The following CDH20 variants were observed in gnomAD, a reference collection of about 807,000 sequenced individuals.
The protein encoded by CDH20 is cadherin 20, also known as cadherin-20.
In CDH20, 29 loss-of-function variants were observed where a neutral mutation model predicts 74.2. The ratio of observed to expected loss-of-function variants is 0.39; its 90% CI spans 0.29 to 0.53. CDH20 has a LOEUF of 0.53. Ranked by LOEUF, CDH20 falls within the 20% of genes least tolerant of loss-of-function variation. CDH20 has a pLI of 0.69. For synonymous variants in CDH20, 469 were observed against 405.4 expected (o/e 1.16, Z -1.88); for missense variants, 988 against 1,048.3 (o/e 0.94, Z 0.79).
At chr18:61,341,047 T>G (rs1054258860) in intron 1 of CDH20, among the ~76,000 whole-genome samples, 1 of 152,186 alleles carries the variant, frequency 6.6e-6, no homozygotes, top group African/African-American at 2.4e-5. Context: ...TACCTACCAC[T>G]GTTGAAGGTC....
chr18:61,372,456 C>CA (rs905204424), intron 1 of CDH20, among the ~76,000 whole-genome samples: 5 of 152,026 alleles, frequency 3.3e-5, no homozygotes, highest in African/African-American at 1.2e-4. Flanking sequence ...TATCAGAAGA[C>CA]AAAAAATATT....
chr18:61,389,750 T>C (rs1911710997), intron 1 of CDH20, among the ~76,000 whole-genome samples: 1 of 152,140 alleles, frequency 6.6e-6, no homozygotes, highest in Non-Finnish European at 1.5e-5. Flanking sequence ...TAAACACTAA[T>C]CTGCTTGTAC....
At chr18:61,372,385 A>G (rs1037464787) in intron 1 of CDH20, among the ~76,000 whole-genome samples, 1 of 152,132 alleles carries the variant, frequency 6.6e-6, no homozygotes, top group Non-Finnish European at 1.5e-5. Flanking sequence ...TTATCAATAA[A>G]AGAAAAATAT....
chr18:61,355,264 TTTC>T (rs910871329), intron 1 of CDH20, among the ~76,000 whole-genome samples: 4 of 152,380 alleles, frequency 2.6e-5, no homozygotes, highest in African/African-American at 9.6e-5. Context: ...GTAGCTTTTT[TTTC>T]TTTTTTCAGA....
intron 2 of CDH20, among the ~76,000 whole-genome samples, chr18:61,494,345 G>C (rs1911059633): frequency 6.6e-6 from 1 of 152,136 alleles, no homozygotes; most frequent in African/African-American, 2.4e-5. Context: ...GTTCTTAGCT[G>C]TGTAGCACCC....
intron 2 of CDH20, among the ~76,000 whole-genome samples, chr18:61,491,725 C>G (rs1032265535): frequency 6.6e-6 from 1 of 152,132 alleles, no homozygotes; most frequent in African/African-American, 2.4e-5. Context: ...TGGCTTTGGT[C>G]CCTACCTCTG....
At chr18:61,459,031 C>A (rs144387534) in intron 1 of CDH20, among the ~76,000 whole-genome samples, 283 of 152,268 alleles carry the variant, frequency 1.9e-3, no homozygotes, top group African/African-American at 6.4e-3. Flanking sequence ...TCTAGTTAAT[C>A]GTACAGTAAT....
intron 1 of CDH20, among the ~76,000 whole-genome samples, chr18:61,390,249 C>A (rs1259627847): frequency 6.6e-6 from 1 of 152,144 alleles, no homozygotes; most frequent in Non-Finnish European, 1.5e-5. Context: ...TCATCTAGAA[C>A]CATATAGTGA....
chr18:61,350,236 T>C (rs913272175), intron 1 of CDH20, among the ~76,000 whole-genome samples: 4 of 152,148 alleles, frequency 2.6e-5, no homozygotes, highest in African/African-American at 9.7e-5. Context: ...GAATCTATGT[T>C]ATTCTCTCTA....
chr18:61,509,028 G>A (rs1158603494), intron 6 of CDH20, among the ~76,000 whole-genome samples: 1 of 152,154 alleles, frequency 6.6e-6, no homozygotes, highest in Non-Finnish European at 1.5e-5. Flanking sequence ...AAGCTTTGAG[G>A]GCGTAAAGGC....
chr18:61,368,238 C>T (rs973396835), intron 1 of CDH20, among the ~76,000 whole-genome samples: 1 of 152,068 alleles, frequency 6.6e-6, no homozygotes, highest in Non-Finnish European at 1.5e-5. Flanking sequence ...TATGACATAA[C>T]ATATTCACAG....
chr18:61,399,610 G>T (rs1912094420), intron 1 of CDH20, among the ~76,000 whole-genome samples: 1 of 151,778 alleles, frequency 6.6e-6, no homozygotes, highest in African/African-American at 2.4e-5. Context: ...TTTAATATTT[G>T]TTCACTGATC....
intron 1 of CDH20, among the ~76,000 whole-genome samples, chr18:61,350,884 G>A (rs547898825): frequency 6.6e-6 from 1 of 152,260 alleles, no homozygotes; most frequent in African/African-American, 2.4e-5. Context: ...TAATAAAGAT[G>A]CCTTTCATTG....
At chr18:61,403,432 C>T (rs900395123) in intron 1 of CDH20, among the ~76,000 whole-genome samples, 1 of 152,156 alleles carries the variant, frequency 6.6e-6, no homozygotes, top group African/African-American at 2.4e-5. Context: ...TACCATGTTT[C>T]TTTGGTAACA....
intron 1 of CDH20, among the ~76,000 whole-genome samples, chr18:61,354,711 C>A (rs1475375444): frequency 2.0e-5 from 3 of 152,016 alleles, no homozygotes; most frequent in Non-Finnish European, 4.4e-5. Context: ...CTAAAAGTAA[C>A]CCCCTGTGCA....
intron 2 of CDH20, among the ~76,000 whole-genome samples, chr18:61,496,435 C>T (rs1436670717): frequency 2.0e-5 from 3 of 151,396 alleles, no homozygotes; most frequent in African/African-American, 7.3e-5. Context: ...TTCGCCCTCC[C>T]CCAGACCCTT....
intron 1 of CDH20, among the ~76,000 whole-genome samples, chr18:61,408,104 C>A (rs922034423): frequency 1.3e-5 from 2 of 151,134 alleles, no homozygotes; most frequent in Middle Eastern, 3.4e-3. Flanking sequence ...AATTTAAAAG[C>A]GAAAGAGCTT....
rs552245169 is a variant in CDH20 at position 61,507,353 on chromosome 18, G to T, written c.830-20G>T. ...TAGTGACGGATTATCAAGAATGCGTGTCCTGGCTTTTCTTCGTAGAACATT... is the reference window on the plus strand; with the variant it reads ...TAGTGACGGATTATCAAGAATGCGTTTCCTGGCTTTTCTTCGTAGAACATT... On this transcript the variant is annotated intron_variant, in intron 5 of 11. Transcript: ENST00000262717. The T allele has an allele frequency of 6.2e-7, 1 of 1,605,398 alleles. No homozygotes were observed. Among genetic ancestry groups the T allele is most frequent in the African/African-American group, 1.3e-5 (1 of 74,634 alleles).
rs146211576 is a variant in CDH20, at chr18:61,505,478, G to A, written c.830-1895G>A. 3.2e-4 allele frequency among the ~76,000 whole-genome samples: 49 copies of A among 151,850 alleles called. No homozygotes were observed. The East Asian group carries it at 8.7e-3, about 27-fold the overall frequency. Reference sequence around the variant, plus strand: ...CAGCTCCTGAATAGCCAGAACTACAGGTGCACACCACCATGCCCAGCTAAT... The same window carrying A: ...CAGCTCCTGAATAGCCAGAACTACAAGTGCACACCACCATGCCCAGCTAAT... On this transcript the variant is annotated intron_variant, in intron 5 of 11. Transcript: ENST00000262717.
Sources: allele counts gnomAD v4.1 joint callset (sites outside exome capture counted in the v4.1 genomes callset), GRCh38; gene constraint gnomAD v4.1.1; transcripts MANE v1.5; gene names NCBI Gene and HGNC (gene_info 2026-07-23, HGNC 2026-07-21).